The following ERC2 variants were observed in gnomAD, a reference collection of about 807,000 sequenced individuals.
ERC2 encodes the protein ELKS/RAB6-interacting/CAST family member 2.
ERC2 carries 42 observed loss-of-function variants against 114.8 expected under a neutral mutation model. That is an observed-to-expected ratio of 0.37 (90% CI 0.29 to 0.47). The LOEUF is 0.47. Among genes scored for constraint, ERC2 ranks in the 20% least tolerant of loss-of-function variants. ERC2 has a pLI of 0.99. For synonymous variants in ERC2, 454 were observed against 425.5 expected (o/e 1.07, Z -0.82); for missense variants, 939 against 1,150.7 (o/e 0.82, Z 2.66).
At position 55,956,502 on chromosome 3, in the gene ERC2, G is replaced by C. The variant is rs1036347974; in HGVS notation, c.2268-5942C>G. ...TACTCCAGCAAAGCTATAAATTTTAGGAAGCTTTCATAAATATTCTAAGGA... is the reference window on the plus strand; with the variant it reads ...TACTCCAGCAAAGCTATAAATTTTACGAAGCTTTCATAAATATTCTAAGGA... On this transcript the variant is annotated intron_variant, in intron 12 of 17. Transcript: ENST00000288221. Among the ~76,000 whole-genome samples the C allele has an allele frequency of 3.9e-4, 59 of 151,944 alleles. 1 individual carries two copies. Among genetic ancestry groups the C allele is most frequent in the African/African-American group, 1.3e-3 (55 of 41,390 alleles).
chr3:56,030,276 T>C (rs981664816), intron 7 of ERC2, among the ~76,000 whole-genome samples: 2 of 152,196 alleles, frequency 1.3e-5, no homozygotes, highest in Non-Finnish European at 2.9e-5. Flanking sequence ...AAATAATGCA[T>C]TTCAGCAGCT....
rs56851837 is a variant in ERC2 at position 55,942,266 on chromosome 3, CTTTTTTTTTTTTTTTTTTTTT to C, written c.2403+8138_2403+8158del. Among the ~76,000 whole-genome samples, 175 of 42,114 alleles carry C rather than the reference CTTTTTTTTTTTTTTTTTTTTT, an allele frequency of 4.2e-3. 1 individual carries two copies. The highest frequency in any genetic ancestry group is 6.1e-3 in the Admixed American group (15 of 2,464). 27.6% of individuals were successfully genotyped at this position (42,114 alleles called of 152,430 possible). A position where few individuals can be genotyped will look rare whatever the true frequency, so the allele number is the denominator to read the frequency against. ...TATTAAATGAAGTCTAAGGTCCTTT[CTTTTTTTTTTTTTTTTTTTTT>C]TTTTTTTTTTTTTTTTGTTGAGACG... On this transcript the variant is annotated intron_variant, in intron 13 of 17. Transcript: ENST00000288221.
intron 2 of ERC2, among the ~76,000 whole-genome samples, chr3:56,352,622 C>A (rs1484381206): frequency 6.6e-6 from 1 of 152,208 alleles, no homozygotes; most frequent in African/African-American, 2.4e-5. Flanking sequence ...TAAAACAACA[C>A]ACAAATATTT....
chr3:55,651,152 C>T (rs1033411454), intron 17 of ERC2, among the ~76,000 whole-genome samples: 1 of 151,674 alleles, frequency 6.6e-6, no homozygotes, highest in Non-Finnish European at 1.5e-5. Flanking sequence ...TGAGCCACTG[C>T]ACCTGGCCTG....
In ERC2 at chr3:55,690,981, G is replaced by A. The variant is rs1576156209; in HGVS notation, c.2848-7122C>T. On this transcript the variant is annotated intron_variant, in intron 16 of 17. Coordinates refer to ENST00000288221, the MANE Select transcript of ERC2 (RefSeq NM_015576.3). ...AGCATGTAACTGCTGGTAGAGGAAG[G>A]AGGCAGTTAAATACCTCCCACAACA... Among the ~76,000 whole-genome samples, 8 of 152,298 alleles carry A rather than the reference G, an allele frequency of 5.3e-5. 1 individual carries two copies. The highest frequency in any genetic ancestry group is 5.2e-4 in the Admixed American group (8 of 15,306).
intron 12 of ERC2, among the ~76,000 whole-genome samples, chr3:55,953,312 G>C (rs2067708884): frequency 6.6e-6 from 1 of 152,038 alleles, no homozygotes; most frequent in Non-Finnish European, 1.5e-5. Flanking sequence ...CCTTATTTAA[G>C]ACAACAGTGA....
intron 7 of ERC2, among the ~76,000 whole-genome samples, chr3:56,024,039 C>T (rs2073897849): frequency 6.6e-6 from 1 of 152,266 alleles, no homozygotes; most frequent in South Asian, 2.1e-4. Context: ...TTCCAAAATT[C>T]ATTCACTAAT....
At chr3:55,998,755 G>C (rs1179768028) in intron 10 of ERC2, among the ~76,000 whole-genome samples, 1 of 152,158 alleles carries the variant, frequency 6.6e-6, no homozygotes, top group Non-Finnish European at 1.5e-5. Flanking sequence ...ACATTAACAA[G>C]ATTTTTTTTC....
At chr3:55,657,146 C>G (rs760157223) in intron 17 of ERC2, 3 of 152,100 alleles carry the variant, frequency 2.0e-5, no homozygotes, top group Admixed American at 6.5e-5. Flanking sequence ...CTCTTTCACT[C>G]CCCCGCTTTT....
intron 2 of ERC2, among the ~76,000 whole-genome samples, chr3:56,366,271 C>T (rs547208616): frequency 2.3e-4 from 35 of 152,342 alleles, no homozygotes; most frequent in African/African-American, 7.9e-4. Flanking sequence ...CCACTGCCTG[C>T]CTTTGAGTCT....
chr3:55,826,514 G>A (rs1461958574), intron 14 of ERC2, among the ~76,000 whole-genome samples: 1 of 152,236 alleles, frequency 6.6e-6, no homozygotes, highest in African/African-American at 2.4e-5. Flanking sequence ...ATTATAGGTT[G>A]TTGTGAGGTT....
chr3:56,436,986 T>C (rs2062049765), intron 1 of ERC2, among the ~76,000 whole-genome samples: 1 of 152,348 alleles, frequency 6.6e-6, no homozygotes, highest in Non-Finnish European at 1.5e-5. Context: ...TAGTTACATA[T>C]GCCAGGTGAC....
chr3:56,446,904 G>A (rs2062601943), intron 1 of ERC2, among the ~76,000 whole-genome samples: 2 of 152,114 alleles, frequency 1.3e-5, no homozygotes, highest in Non-Finnish European at 2.9e-5. Context: ...TGGGATTACA[G>A]GCGTGAGCCA....
intron 7 of ERC2, among the ~76,000 whole-genome samples, chr3:56,032,323 C>T (rs1265973207): frequency 6.6e-6 from 1 of 152,078 alleles, no homozygotes; most frequent in Non-Finnish European, 1.5e-5. Context: ...AGAAAGAATC[C>T]ACAAACTCAA....
chr3:55,787,385 C>T (rs996792269), intron 14 of ERC2, among the ~76,000 whole-genome samples: 4 of 151,984 alleles, frequency 2.6e-5, no homozygotes, highest in Non-Finnish European at 5.9e-5. Context: ...CCACTGCACT[C>T]CAGCCTGGGT....
At chr3:55,594,605 C>T (rs774869015) in intron 17 of ERC2, among the ~76,000 whole-genome samples, 2 of 152,256 alleles carry the variant, frequency 1.3e-5, no homozygotes, top group Middle Eastern at 3.4e-3. Flanking sequence ...TCTCAGCCTC[C>T]CAAGTAGCTG....
chr3:56,377,266 C>G (rs2059581824), intron 2 of ERC2, among the ~76,000 whole-genome samples: 1 of 152,102 alleles, frequency 6.6e-6, no homozygotes, highest in Non-Finnish European at 1.5e-5. Flanking sequence ...AAACAATCTT[C>G]TACTAGATGG....
At chr3:55,988,394 A>G (rs1175375750) in intron 11 of ERC2, among the ~76,000 whole-genome samples, 4 of 152,210 alleles carry the variant, frequency 2.6e-5, no homozygotes, top group Non-Finnish European at 5.9e-5. Context: ...TGCACGTGGG[A>G]CCACACTAGA....
intron 3 of ERC2, among the ~76,000 whole-genome samples, chr3:56,270,151 T>A (rs2053566696): frequency 6.7e-6 from 1 of 150,100 alleles, no homozygotes; most frequent in African/African-American, 2.5e-5. Flanking sequence ...AAGTTTCCAA[T>A]GAGGGCACAA....
Sources: gnomAD v4.1 joint callset for allele counts (sites outside exome capture counted in the v4.1 genomes callset) on GRCh38, gnomAD v4.1.1 for gene constraint, MANE v1.5 for transcripts, NCBI Gene and HGNC (gene_info 2026-07-23, HGNC 2026-07-21) for gene names.